Variants in ANXA4 observed in about 807,000 individuals in gnomAD.
The protein encoded by ANXA4 is annexin A4.
Under a neutral mutation model 49.8 loss-of-function variants are expected in ANXA4, and 39 were observed. That is an observed-to-expected ratio of 0.78 (90% confidence interval 0.61 to 1.02). The LOEUF (loss-of-function observed/expected upper bound fraction) is 1.02. ANXA4 is among the 50% of genes least tolerant of loss of function. The pLI is 0.00. For missense variants in ANXA4, 360 were observed against 410.1 expected, an observed-to-expected ratio of 0.88 and a Z score of 1.05; for synonymous variants, 134 against 152.5, an observed-to-expected ratio of 0.88 and a Z score of 0.89.
At chr2:69,808,206 A>G (rs1673533111) in intron 6 of ANXA4, 1 of 548,720 alleles carries the variant, frequency 1.8e-6, no homozygotes, top group East Asian at 3.2e-5. Context: ...ATGACACTCT[A>G]TTTTGCCTAC....
intron 2 of ANXA4, among the ~76,000 whole-genome samples, chr2:69,693,091 T>G (rs966286684): frequency 6.6e-6 from 1 of 152,212 alleles, no homozygotes; most frequent in Non-Finnish European, 1.5e-5. Flanking sequence ...TTCAACATGC[T>G]TGATAGTGAC....
At chr2:69,778,683 G>A (rs1486335059) in intron 1 of ANXA4, among the ~76,000 whole-genome samples, 4 of 150,608 alleles carry the variant, frequency 2.7e-5, no homozygotes, top group South Asian at 2.1e-4. Flanking sequence ...GCTGAGGCAG[G>A]CGAATCACTT....
At chr2:69,713,680 C>T (rs1241337957) in intron 2 of ANXA4, 1 of 152,302 alleles carries the variant, frequency 6.6e-6, no homozygotes, top group Non-Finnish European at 1.5e-5. Flanking sequence ...TCTTCACAGA[C>T]TCCAGAGTTC....
At chr2:69,711,308 T>A (rs1411354037) in intron 2 of ANXA4, among the ~76,000 whole-genome samples, 3 of 152,204 alleles carry the variant, frequency 2.0e-5, no homozygotes, top group Non-Finnish European at 4.4e-5. Context: ...CATCTACTGA[T>A]GAATGGATAA....
intron 2 of ANXA4, among the ~76,000 whole-genome samples, chr2:69,698,620 C>T (rs1678233882): frequency 6.6e-6 from 1 of 152,180 alleles, no homozygotes; most frequent in East Asian, 1.9e-4. Flanking sequence ...GCTGCGTTGT[C>T]GGCTCTGACT....
intron 2 of ANXA4, among the ~76,000 whole-genome samples, chr2:69,665,830 A>G (rs769002643): frequency 1.3e-5 from 2 of 152,252 alleles, no homozygotes; most frequent in Non-Finnish European, 2.9e-5. Flanking sequence ...GTGCAAGCAT[A>G]TGTCTGATAA....
At chr2:69,768,990 A>G (rs959924576) in intron 1 of ANXA4, among the ~76,000 whole-genome samples, 1 of 152,202 alleles carries the variant, frequency 6.6e-6, no homozygotes, top group Non-Finnish European at 1.5e-5. Context: ...AAAGGTCTCT[A>G]GTCCACAGGT....
intron 1 of ANXA4, among the ~76,000 whole-genome samples, chr2:69,762,604 T>G (rs904399535): frequency 6.6e-6 from 1 of 152,194 alleles, no homozygotes; most frequent in Non-Finnish European, 1.5e-5. Flanking sequence ...TATGTATTTA[T>G]GTATATTAAA....
At chr2:69,800,947 G>A (rs367747012) in intron 3 of ANXA4, among the ~76,000 whole-genome samples, 1 of 152,138 alleles carries the variant, frequency 6.6e-6, no homozygotes, top group South Asian at 2.1e-4. Flanking sequence ...ACCAATTCAC[G>A]GTGAAATGCA....
At chr2:69,756,300 A>G (rs1163222275) in intron 1 of ANXA4, among the ~76,000 whole-genome samples, 8 of 152,232 alleles carry the variant, frequency 5.3e-5, no homozygotes, top group Admixed American at 4.6e-4. Context: ...CCTAAAAAAA[A>G]AGGGTGGTGG....
chr2:69,786,827 T>TCCTCCA (rs1188555486), intron 2 of ANXA4, among the ~76,000 whole-genome samples: 1 of 152,156 alleles, frequency 6.6e-6, no homozygotes, highest in Non-Finnish European at 1.5e-5. Flanking sequence ...GCTCAAGAGA[T>TCCTCCA]CCTCCCACCT....
At chr2:69,800,764 G>A (rs923844090) in intron 3 of ANXA4, among the ~76,000 whole-genome samples, 27 of 152,308 alleles carry the variant, frequency 1.8e-4, no homozygotes, top group African/African-American at 6.5e-4. Context: ...ACAGAAAAGT[G>A]TCTTGCAGCA....
In ANXA4 at chr2:69,810,389, C is replaced by T. The variant is rs985310085; in HGVS notation, c.398-205C>T. 5.5e-6 allele frequency: 3 copies of T among 549,462 alleles called. No individual in the cohort carries two copies. In the East Asian group the frequency reaches 9.2e-5, roughly 17 times the overall value. The allele number at this position is 549,462 out of a possible 1,614,324, so 34.0% of individuals were successfully genotyped here. Reference sequence around the variant, plus strand: ...CATCTCAAAAGAAACAAAACAAAAACAGGAATATCGTGTGACAGGATAAGC... The same window carrying T: ...CATCTCAAAAGAAACAAAACAAAAATAGGAATATCGTGTGACAGGATAAGC... On this transcript the variant is annotated intron_variant, in intron 6 of 12. Transcript: ENST00000394295.
intron 3 of ANXA4, among the ~76,000 whole-genome samples, chr2:69,800,262 G>T (rs555728161): frequency 6.6e-6 from 1 of 151,072 alleles, no homozygotes; most frequent in Admixed American, 6.7e-5. Flanking sequence ...AAAGGCATAG[G>T]ACCCACCTTT....
intron 1 of ANXA4, among the ~76,000 whole-genome samples, chr2:69,764,126 T>C (rs2105534126): frequency 6.6e-6 from 1 of 152,332 alleles, no homozygotes; most frequent in East Asian, 1.9e-4. Flanking sequence ...TAAGTGCAGA[T>C]GAGAATCCCT....
intron 2 of ANXA4, among the ~76,000 whole-genome samples, chr2:69,685,877 C>T (rs1677768062): frequency 6.6e-6 from 1 of 152,088 alleles, no homozygotes; most frequent in Admixed American, 6.6e-5. Flanking sequence ...ATAGCTCTGA[C>T]CAATCTCTGT....
At chr2:69,687,628 G>C (rs1442057619) in intron 2 of ANXA4, among the ~76,000 whole-genome samples, 1 of 152,186 alleles carries the variant, frequency 6.6e-6, no homozygotes, top group East Asian at 1.9e-4. Flanking sequence ...ATGACCTTTA[G>C]GGATGGTGTA....
upstream of ANXA4, among the ~76,000 whole-genome samples, chr2:69,740,553 A>G (rs1439307417): frequency 6.6e-6 from 1 of 150,748 alleles, no homozygotes; most frequent in Non-Finnish European, 1.5e-5. Flanking sequence ...TCCTGGGTTT[A>G]GAGTGATCCT....
intron 2 of ANXA4, among the ~76,000 whole-genome samples, chr2:69,689,280 G>T (rs1447801134): frequency 6.6e-6 from 1 of 151,710 alleles, no homozygotes; most frequent in Non-Finnish European, 1.5e-5. Flanking sequence ...TAGAGAGAGG[G>T]TCTTACTATT....
Sources: allele counts gnomAD v4.1 joint callset (sites outside exome capture counted in the v4.1 genomes callset), GRCh38; gene constraint gnomAD v4.1.1; transcripts MANE v1.5; gene names NCBI Gene and HGNC (gene_info 2026-07-23, HGNC 2026-07-21).